DNAH8: variants seen among roughly 807,000 people sequenced by gnomAD.
DNAH8 encodes dynein axonemal heavy chain 8.
Under a neutral mutation model 562.1 loss-of-function variants are expected in DNAH8, and 382 were observed. The observed-to-expected ratio is 0.68, with a 90% CI of 0.63 to 0.74. DNAH8 has a LOEUF of 0.74. Among genes scored for constraint, DNAH8 ranks in the 30% least tolerant of loss-of-function variants. The pLI is 0.00. For missense variants in DNAH8, 5,203 were observed against 5,620.4 expected (o/e 0.93, Z 2.37); for synonymous variants, 1,881 against 1,919.4 (o/e 0.98, Z 0.52).
chr6:38,921,106 G>T (rs759113771), intron 70 of DNAH8, among the ~76,000 whole-genome samples: 1 of 152,012 alleles, frequency 6.6e-6, no homozygotes, highest in African/African-American at 2.4e-5. Flanking sequence ...TGCCCAGGCT[G>T]GTCTTGAACT....
intron 3 of DNAH8, among the ~76,000 whole-genome samples, chr6:38,728,088 C>T (rs1763370794): frequency 6.6e-6 from 1 of 152,106 alleles, no homozygotes; most frequent in South Asian, 2.1e-4. Flanking sequence ...ACTTTAGCCT[C>T]CCAAGTAGCT....
intron 57 of DNAH8, among the ~76,000 whole-genome samples, chr6:38,889,663 A>G (rs968462376): frequency 6.6e-6 from 1 of 152,178 alleles, no homozygotes. Flanking sequence ...GGGTGTTGCT[A>G]ATCCCTATCT....
At position 38,782,984 on chromosome 6, in the gene DNAH8, C is replaced by A. The variant is rs1232791968; in HGVS notation, c.2260-20C>A. On this transcript the variant is annotated intron_variant, in intron 16 of 92. Coordinates refer to ENST00000327475, the MANE Select transcript of DNAH8 (RefSeq NM_001206927.2). ...CATTCAGCAGTCTTTTAAAGTAAAT[C>A]TTTTCCCTTAAAAAAACAGAAAAAC... The A allele has an allele frequency of 1.9e-6, 3 of 1,602,472 alleles. No individual in the cohort carries two copies. Among genetic ancestry groups the A allele is most frequent in the Non-Finnish European group, 2.6e-6 (3 of 1,172,836 alleles).
At chr6:38,734,302 G>A (rs1237990370) in intron 4 of DNAH8, among the ~76,000 whole-genome samples, 172 bp from the exon 5 acceptor site, 1 of 130,332 alleles carries the variant, frequency 7.7e-6, no homozygotes, top group African/African-American at 3.0e-5. Flanking sequence ...AAAAAAAGAT[G>A]TAATTATTGG....
intron 9 of DNAH8, among the ~76,000 whole-genome samples, chr6:38,754,086 A>G (rs1176028654): frequency 6.6e-6 from 1 of 152,048 alleles, no homozygotes; most frequent in Non-Finnish European, 1.5e-5. Context: ...AGTTTTATGT[A>G]TGTTTCATTT....
At chr6:38,791,499 A>T (rs1769737222) in intron 20 of DNAH8, 56 bp from the exon 21 acceptor site, 1 of 1,541,394 alleles carries the variant, frequency 6.5e-7, no homozygotes, top group South Asian at 1.3e-5. Flanking sequence ...TTTGGATGAA[A>T]ACCTAGCTCT....
chr6:38,960,041 G>A (rs756421500), intron 82 of DNAH8, among the ~76,000 whole-genome samples: 2 of 152,086 alleles, frequency 1.3e-5, no homozygotes, highest in African/African-American at 4.8e-5. Flanking sequence ...AATAAATGGT[G>A]TTGGGAAAAC....
At chr6:38,912,440 AG>A (rs1294776828) in intron 66 of DNAH8, among the ~76,000 whole-genome samples, 4 of 151,264 alleles carry the variant, frequency 2.6e-5, no homozygotes, top group Non-Finnish European at 5.9e-5. Flanking sequence ...ACTCCAGCCT[AG>A]GTGACAGAGT....
chr6:38,763,145 T>C (rs1766685395), intron 11 of DNAH8: 1 of 317,088 alleles, frequency 3.2e-6, no homozygotes, highest in Non-Finnish European at 6.1e-6. Context: ...ATAAAATGTA[T>C]GACCCAGTGA....
At position 38,860,453 on chromosome 6, in the gene DNAH8, T is replaced by C. The variant is rs987611534; in HGVS notation, c.5959-4T>C. 3.6e-6 allele frequency: 5 copies of C among 1,402,304 alleles called. No homozygotes were observed. The highest frequency in any genetic ancestry group is 1.5e-5 in the African/African-American group (1 of 67,264). The allele number at this position is 1,402,304 out of a possible 1,614,324, so 86.9% of individuals were successfully genotyped here. A position where few individuals can be genotyped will look rare whatever the true frequency, so the allele number is the denominator to read the frequency against. The stretch of plus-strand genomic sequence containing the variant: ...ATAATTTTTTTGTATTTTATGTTTT[T>C]AAGGTAAAAATGCATATCAAATCAC... On this transcript the variant is annotated splice_polypyrimidine_tract_variant and splice_region_variant and intron_variant, in intron 42 of 92. Transcript: ENST00000327475.
At chr6:38,737,023 G>T in intron 5 of DNAH8, 44 bp from the exon 6 acceptor site, 4 of 1,369,542 alleles carry the variant, frequency 2.9e-6, no homozygotes, top group Non-Finnish European at 3.9e-6. Flanking sequence ...CAGTTCTTTA[G>T]TGGGATTAGC....
intron 21 of DNAH8, among the ~76,000 whole-genome samples, chr6:38,801,249 G>A (rs1195513746): frequency 1.3e-5 from 2 of 152,028 alleles, no homozygotes; most frequent in Non-Finnish European, 2.9e-5. Context: ...AGAAGGTTCC[G>A]TTTCATTCTC....
chr6:38,982,531 A>G, intron 86 of DNAH8, 69 bp downstream of exon 86: 1 of 890,878 alleles, frequency 1.1e-6, no homozygotes, highest in South Asian at 1.4e-5. Flanking sequence ...CAGTCATTTG[A>G]AGTCTATGAT....
intron 65 of DNAH8, among the ~76,000 whole-genome samples, chr6:38,911,103 C>G (rs1367254839): frequency 6.6e-6 from 1 of 152,166 alleles, no homozygotes; most frequent in African/African-American, 2.4e-5. Flanking sequence ...AACCACTTAT[C>G]CCTAATATTT....
At chr6:38,814,408 C>A (rs1020266151) in intron 25 of DNAH8, among the ~76,000 whole-genome samples, 1 of 152,134 alleles carries the variant, frequency 6.6e-6, no homozygotes, top group African/African-American at 2.4e-5. Context: ...TGGTGAAACC[C>A]CGTCTCCACT....
chr6:38,896,192 C>T lies in DNAH8; in HGVS notation c.8907C>T (p.Asp2969=), dbSNP rs76562800. The T allele has an allele frequency of 6.2e-7, 1 of 1,613,940 alleles. No individual in the cohort carries two copies. The highest frequency in any genetic ancestry group is 1.3e-5 in the African/African-American group (1 of 75,004). ...AACCAACTGGTGATGAACCTGAAGACTCTGTGTTTGAAGTACCCAAAATAT... is the reference window on the plus strand; with the variant it reads ...AACCAACTGGTGATGAACCTGAAGATTCTGTGTTTGAAGTACCCAAAATAT... ...MPEPTGDEPE[D]SVFEVPKIYE... is the part of the protein sequence containing the mutation. The change falls in exon 60 of 93, where the codon GAC becomes GAT. Residue 2969 remains aspartate (D), a synonymous_variant. Transcript: ENST00000327475.
chr6:38,832,387 G>A lies in DNAH8; in HGVS notation c.4254G>A (p.Val1418=), dbSNP rs577223157. 6.2e-7 allele frequency: 1 copy of A among 1,613,840 alleles called. No homozygotes were observed. Among genetic ancestry groups the A allele is most frequent in the East Asian group, 2.2e-5 (1 of 44,838 alleles). ...TTAAAAGCAATCTACTTGAGTCTGT[G>A]GAAGTTTTTCGTGAGGACGTGATAA... ...PKFKSNLLES[V]EVFREDVINF... The change falls in exon 31 of 93, where the codon GTG becomes GTA. Residue 1418 remains valine, a synonymous_variant. Transcript: ENST00000327475.
intron 18 of DNAH8, among the ~76,000 whole-genome samples, chr6:38,789,397 G>A (rs533852570): frequency 6.6e-6 from 1 of 152,162 alleles, no homozygotes; most frequent in Non-Finnish European, 1.5e-5. Flanking sequence ...TTCTGTTTGT[G>A]TGGAAAAGCT....
intron 9 of DNAH8, among the ~76,000 whole-genome samples, chr6:38,753,774 T>C (rs1243286828): frequency 2.0e-5 from 3 of 152,216 alleles, no homozygotes; most frequent in Admixed American, 6.5e-5. Flanking sequence ...AAAAGCTTTG[T>C]TCAATTACTC....
Sources: gnomAD v4.1 joint callset for allele counts (sites outside exome capture counted in the v4.1 genomes callset) on GRCh38, gnomAD v4.1.1 for gene constraint, MANE v1.5 for transcripts, NCBI Gene and HGNC (gene_info 2026-07-23, HGNC 2026-07-21) for gene names.